PTPRD: variants seen among roughly 807,000 people sequenced by gnomAD.
PTPRD encodes the protein protein tyrosine phosphatase receptor type D, also known as receptor-type tyrosine-protein phosphatase delta.
A neutral mutation model predicts 214.5 loss-of-function variants in PTPRD; 34 were observed. The observed-to-expected ratio is 0.16, with a 90% CI of 0.12 to 0.21. The LOEUF (loss-of-function observed/expected upper bound fraction) is 0.21. PTPRD is among the 10% of genes least tolerant of loss of function. The pLI is 1.00. For missense variants in PTPRD, 2,545 were observed against 2,398.7 expected (o/e 1.06, Z -1.27); for synonymous variants, 1,128 against 845.7 (o/e 1.33, Z -5.79).
At chr9:9,091,737 A>T (rs950983009) in intron 10 of PTPRD, among the ~76,000 whole-genome samples, 3 of 152,236 alleles carry the variant, frequency 2.0e-5, no homozygotes, top group Non-Finnish European at 4.4e-5. Context: ...AAAACCTAAC[A>T]GAACCAGCCA....
At chr9:10,414,992 T>C (rs1277441963) in intron 2 of PTPRD, among the ~76,000 whole-genome samples, 2 of 151,704 alleles carry the variant, frequency 1.3e-5, no homozygotes, top group Non-Finnish European at 2.9e-5. Context: ...AGGTTTAATA[T>C]CTAGTATTAA....
intron 2 of PTPRD, among the ~76,000 whole-genome samples, chr9:10,533,772 C>T (rs992009029): frequency 6.6e-6 from 1 of 151,702 alleles, no homozygotes; most frequent in Non-Finnish European, 1.5e-5. Context: ...AAATTAAAAA[C>T]TTTTCACTAT....
Position 8,663,313 on chromosome 9 carries a change from G to T in PTPRD, c.65-26469C>A, listed in dbSNP as rs116704093. 4.6e-3 allele frequency among the ~76,000 whole-genome samples: 679 copies of T among 146,236 alleles called. 11 individuals carry two copies. The highest frequency in any genetic ancestry group is 0.017 in the African/African-American group (654 of 39,318). ...TTTTTTTTTAATTCTGGGTCCACAAGGTAAAAGACTCACAAGGAAAAAGCT... is the reference window on the plus strand; with the variant it reads ...TTTTTTTTTAATTCTGGGTCCACAATGTAAAAGACTCACAAGGAAAAAGCT... On this transcript the variant is annotated intron_variant, in intron 12 of 45. Transcript: ENST00000381196.
intron 5 of PTPRD, among the ~76,000 whole-genome samples, chr9:9,931,383 C>A (rs911286538): frequency 6.6e-6 from 1 of 152,136 alleles, no homozygotes. Context: ...CGTGCGTGAG[C>A]CGAAGCAGGG....
intron 10 of PTPRD, among the ~76,000 whole-genome samples, chr9:9,035,066 G>A (rs1427232769): frequency 6.6e-6 from 1 of 152,082 alleles, no homozygotes. Context: ...TGAGCTTTTG[G>A]AGTGTGGGAT....
chr9:8,449,762 G>A lies in PTPRD; in HGVS notation c.3951C>T (p.Asp1317=), dbSNP rs759952060. The A allele has an allele frequency of 6.2e-7, 1 of 1,613,954 alleles. No individual in the cohort carries two copies. The highest frequency in any genetic ancestry group is 1.3e-5 in the African/African-American group (1 of 74,908). The change falls in exon 34 of 46, where the codon GAC becomes GAT. Residue 1317 remains aspartate, a synonymous_variant. Coordinates refer to ENST00000381196, the MANE Select transcript of PTPRD (RefSeq NM_002839.4). ...AGTTAAGGCGCCTCAGTTCTACAGG[G>A]TCTGTTGGGTGGTGTGAAGGGATCT... ...NKEIPSHHPT[D]PVELRRLNFQ...
chr9:8,903,926 T>A (rs2098690039), intron 11 of PTPRD, among the ~76,000 whole-genome samples: 1 of 152,212 alleles, frequency 6.6e-6, no homozygotes, highest in African/African-American at 2.4e-5. Context: ...CTCAAGGCAG[T>A]GTCTCATAGT....
At chr9:8,451,619 C>A (rs1030618885) in intron 33 of PTPRD, among the ~76,000 whole-genome samples, 1 of 152,142 alleles carries the variant, frequency 6.6e-6, no homozygotes, top group Non-Finnish European at 1.5e-5. Flanking sequence ...GATGCAAAAT[C>A]GAAATGGGTT....
chr9:8,356,115 T>G (rs187894124), intron 39 of PTPRD, among the ~76,000 whole-genome samples: 7 of 152,342 alleles, frequency 4.6e-5, no homozygotes, highest in Admixed American at 4.6e-4. Context: ...CTTTTCATTT[T>G]TTTTAAGACC....
At chr9:9,150,486 A>G (rs1454245562) in intron 10 of PTPRD, among the ~76,000 whole-genome samples, 1 of 147,606 alleles carries the variant, frequency 6.8e-6, no homozygotes, top group East Asian at 2.0e-4. Flanking sequence ...TACTATATAT[A>G]TATGTATATA....
At chr9:9,927,787 C>T (rs142004190) in intron 5 of PTPRD, among the ~76,000 whole-genome samples, 253 of 152,118 alleles carry the variant, frequency 1.7e-3, no homozygotes, top group African/African-American at 5.9e-3. Flanking sequence ...TCATTGAGAG[C>T]CATCTTTTTC....
intron 21 of PTPRD, among the ~76,000 whole-genome samples, chr9:8,512,795 A>T (rs1391924197): frequency 6.6e-6 from 1 of 152,036 alleles, no homozygotes; most frequent in Non-Finnish European, 1.5e-5. Context: ...CAGTTCAGAA[A>T]AAAGACACAT....
intron 11 of PTPRD, among the ~76,000 whole-genome samples, chr9:8,850,828 T>C (rs2097794434): frequency 6.6e-6 from 1 of 152,232 alleles, no homozygotes; most frequent in Admixed American, 6.5e-5. Context: ...CAGGATCTAC[T>C]TGTGTAGTAA....
At chr9:8,513,512 C>A (rs1454395494) in intron 21 of PTPRD, among the ~76,000 whole-genome samples, 3 of 152,034 alleles carry the variant, frequency 2.0e-5, no homozygotes, top group Non-Finnish European at 4.4e-5. Context: ...CTTTTAGACA[C>A]AGAAGACATC....
intron 11 of PTPRD, among the ~76,000 whole-genome samples, chr9:8,772,485 C>CA: frequency 6.6e-6 from 1 of 151,812 alleles, no homozygotes; most frequent in South Asian, 2.1e-4. Flanking sequence ...CCCATCTCTA[C>CA]AAAAAATTGA....
intron 2 of PTPRD, among the ~76,000 whole-genome samples, chr9:10,401,767 G>T (rs762358964): frequency 2.0e-5 from 3 of 150,280 alleles, no homozygotes; most frequent in Non-Finnish European, 4.5e-5. Flanking sequence ...GGATACTCAG[G>T]ATAATTTACA....
chr9:9,423,503 A>G (rs1461624009), intron 8 of PTPRD, among the ~76,000 whole-genome samples: 1 of 152,176 alleles, frequency 6.6e-6, no homozygotes. Flanking sequence ...ATGACAACCT[A>G]GGGTAGAGAA....
intron 8 of PTPRD, among the ~76,000 whole-genome samples, chr9:9,502,306 A>T (rs537248955): frequency 2.0e-5 from 3 of 151,694 alleles, no homozygotes; most frequent in East Asian, 1.9e-4. Context: ...AACCACCATT[A>T]TACGCTCTGC....
chr9:8,796,368 T>C (rs745429102), intron 11 of PTPRD, among the ~76,000 whole-genome samples: 14 of 152,180 alleles, frequency 9.2e-5, no homozygotes, highest in Non-Finnish European at 1.9e-4. Context: ...ATTTGACCTT[T>C]ACCATTAATA....
Sources: allele counts gnomAD v4.1 joint callset (sites outside exome capture counted in the v4.1 genomes callset), GRCh38; gene constraint gnomAD v4.1.1; transcripts MANE v1.5; gene names NCBI Gene and HGNC (gene_info 2026-07-23, HGNC 2026-07-21).